GPC5: variants seen among roughly 807,000 people sequenced by gnomAD.
The protein encoded by GPC5 is glypican-5.
In GPC5, 47 loss-of-function variants were observed where a neutral mutation model predicts 53.9. The observed-to-expected ratio is 0.87, with a 90% CI of 0.69 to 1.11. GPC5 has a LOEUF of 1.11. Ranked by LOEUF, GPC5 falls within the 50% of genes most tolerant of loss-of-function variation. The pLI is 0.00. For synonymous variants in GPC5, 286 were observed against 263.3 expected, an observed-to-expected ratio of 1.09 and a Z score of -0.84; for missense variants, 748 against 713.1, an observed-to-expected ratio of 1.05 and a Z score of -0.56.
intron 7 of GPC5, among the ~76,000 whole-genome samples, chr13:92,285,992 A>G (rs1404848239): frequency 6.6e-6 from 1 of 152,200 alleles, no homozygotes; most frequent in Admixed American, 6.5e-5. Flanking sequence ...CTATCTACTC[A>G]TCTGACAAAG....
At chr13:92,729,057 T>C (rs1298682470) in intron 7 of GPC5, among the ~76,000 whole-genome samples, 1 of 151,256 alleles carries the variant, frequency 6.6e-6, no homozygotes, top group Non-Finnish European at 1.5e-5. Flanking sequence ...TTCTGCACAA[T>C]TTATCTGTAC....
At chr13:92,705,527 A>C (rs998847771) in intron 7 of GPC5, among the ~76,000 whole-genome samples, 31 of 152,200 alleles carry the variant, frequency 2.0e-4, no homozygotes, top group Non-Finnish European at 3.7e-4. Flanking sequence ...AAAAAATAAG[A>C]ATGTAAAAAT....
intron 6 of GPC5, among the ~76,000 whole-genome samples, chr13:91,981,609 A>G (rs1428505977): frequency 2.6e-5 from 4 of 152,162 alleles, no homozygotes; most frequent in Non-Finnish European, 2.9e-5. Context: ...TTATCTTTAA[A>G]TGAGGATGAA....
intron 7 of GPC5, among the ~76,000 whole-genome samples, chr13:92,397,900 G>C (rs1399689119): frequency 6.6e-6 from 1 of 152,064 alleles, no homozygotes; most frequent in East Asian, 1.9e-4. Context: ...TACCATAATA[G>C]GTACTTGATA....
intron 7 of GPC5, among the ~76,000 whole-genome samples, chr13:92,394,321 TC>T (rs1256207753): frequency 6.6e-6 from 1 of 152,184 alleles, no homozygotes; most frequent in Non-Finnish European, 1.5e-5. Flanking sequence ...CTCTCAAAAT[TC>T]ATATCTTGAA....
At chr13:92,297,423 C>T (rs1438149349) in intron 7 of GPC5, among the ~76,000 whole-genome samples, 5 of 136,868 alleles carry the variant, frequency 3.7e-5, no homozygotes, top group Admixed American at 7.3e-5. Context: ...CTGGTGAGGA[C>T]GTGGAGAACC....
chr13:91,691,954 C>A (rs930615375), intron 2 of GPC5, among the ~76,000 whole-genome samples: 5 of 152,202 alleles, frequency 3.3e-5, no homozygotes, highest in African/African-American at 9.6e-5. Context: ...TATATTGAAA[C>A]AGTCCAGTAT....
At position 92,802,387 on chromosome 13, in the gene GPC5, C is replaced by CT. The variant is rs914770545; in HGVS notation, c.1562-63886dup. 2.7e-4 allele frequency among the ~76,000 whole-genome samples: 41 copies of CT among 150,758 alleles called. 1 individual carries two copies. Among genetic ancestry groups the CT allele is most frequent in the African/African-American group, 6.3e-4 (26 of 41,120 alleles). On this transcript the variant is annotated intron_variant, in intron 7 of 7. Coordinates refer to ENST00000377067, the MANE Select transcript of GPC5 (RefSeq NM_004466.6). ...ACCACTAAGCAATGCAGGACTATGTCTTTTTTTTTGTATGTGTATTTATTT... is the reference window on the plus strand; with the variant it reads ...ACCACTAAGCAATGCAGGACTATGTCTTTTTTTTTTGTATGTGTATTTATTT...
chr13:92,610,006 G>C (rs1884378697), intron 7 of GPC5, among the ~76,000 whole-genome samples: 1 of 119,682 alleles, frequency 8.4e-6, no homozygotes, highest in African/African-American at 3.2e-5. Context: ...ACTCCAGTCT[G>C]AGCAACAGAG....
At chr13:92,227,743 A>AT (rs1415118804) in intron 7 of GPC5, among the ~76,000 whole-genome samples, 3 of 151,928 alleles carry the variant, frequency 2.0e-5, no homozygotes, top group African/African-American at 4.8e-5. Flanking sequence ...GTATAACTTA[A>AT]TTTTTTTCTT....
At chr13:91,444,329 G>A (rs1037971352) in intron 1 of GPC5, among the ~76,000 whole-genome samples, 1 of 151,958 alleles carries the variant, frequency 6.6e-6, no homozygotes, top group Non-Finnish European at 1.5e-5. Context: ...GAAATAGTAT[G>A]GCTAAGTTTT....
intron 7 of GPC5, among the ~76,000 whole-genome samples, chr13:92,327,754 A>C (rs2043262060): frequency 6.6e-6 from 1 of 152,084 alleles, no homozygotes; most frequent in Non-Finnish European, 1.5e-5. Flanking sequence ...CGAAATCAAA[A>C]CTTTTCAGTA....
chr13:92,627,874 T>C (rs1307017738), intron 7 of GPC5, among the ~76,000 whole-genome samples: 2 of 152,236 alleles, frequency 1.3e-5, no homozygotes, highest in Non-Finnish European at 2.9e-5. Context: ...CTAGGTTTCC[T>C]GAAACAGACA....
chr13:92,072,788 C>G (rs993288987), intron 6 of GPC5, among the ~76,000 whole-genome samples: 13 of 151,656 alleles, frequency 8.6e-5, no homozygotes, highest in Admixed American at 2.0e-4. Context: ...CCAGGCTGGT[C>G]TTGAATTCCT....
chr13:92,341,788 A>G (rs1186138369), intron 7 of GPC5, among the ~76,000 whole-genome samples: 2 of 152,192 alleles, frequency 1.3e-5, no homozygotes, highest in Admixed American at 6.6e-5. Context: ...TGTTATTTAC[A>G]TAATATAAAA....
intron 1 of GPC5, among the ~76,000 whole-genome samples, chr13:91,417,070 AG>A (rs1381208490): frequency 3.9e-5 from 6 of 152,080 alleles, no homozygotes; most frequent in African/African-American, 7.2e-5. Context: ...GATGGAGCAG[AG>A]GGGGGGAGTA....
chr13:91,546,394 C>A (rs1257668308), intron 2 of GPC5, among the ~76,000 whole-genome samples: 2 of 151,968 alleles, frequency 1.3e-5, no homozygotes, highest in African/African-American at 4.8e-5. Flanking sequence ...AAGGCCATTG[C>A]AAATTATAAG....
intron 7 of GPC5, among the ~76,000 whole-genome samples, chr13:92,832,776 G>A (rs1163431416): frequency 6.6e-6 from 1 of 152,174 alleles, no homozygotes; most frequent in African/African-American, 2.4e-5. Context: ...GGGAGACCAA[G>A]GTGGGCAGAT....
chr13:91,671,777 A>G (rs910932042), intron 2 of GPC5, among the ~76,000 whole-genome samples: 1 of 139,846 alleles, frequency 7.2e-6, no homozygotes, highest in African/African-American at 2.8e-5. Flanking sequence ...AGACAATCTG[A>G]AGCAAAAAAA....
Sources: allele counts gnomAD v4.1 joint callset (sites outside exome capture counted in the v4.1 genomes callset), GRCh38; gene constraint gnomAD v4.1.1; transcripts MANE v1.5; gene names NCBI Gene and HGNC (gene_info 2026-07-23, HGNC 2026-07-21).